The following TAB2 variants were observed in gnomAD, a reference collection of about 807,000 sequenced individuals.
TAB2 encodes the protein TGF-beta activated kinase 1 (MAP3K7) binding protein 2.
A neutral mutation model predicts 65.0 loss-of-function variants in TAB2; 3 were observed. The observed-to-expected ratio is 0.05, with a 90% CI of 0.02 to 0.12. The LOEUF is 0.12. Ranked by LOEUF, TAB2 falls within the 10% of genes least tolerant of loss-of-function variation. The pLI is 1.00. For missense variants in TAB2, 623 were observed against 840.3 expected (o/e 0.74, Z 3.20); for synonymous variants, 298 against 285.1 (o/e 1.05, Z -0.46).
At chr6:149,313,767 C>T (rs1276814371), upstream of TAB2, among the ~76,000 whole-genome samples, 1 of 152,144 alleles carries the variant, frequency 6.6e-6, no homozygotes, top group Non-Finnish European at 1.5e-5. Context: ...CCATGTAGAC[C>T]AGGGACTGAT....
intron 2 of TAB2, among the ~76,000 whole-genome samples, chr6:149,372,596 A>G (rs1781266867): frequency 6.6e-6 from 1 of 152,168 alleles, no homozygotes; most frequent in Admixed American, 6.5e-5. Context: ...ACAAAAGCAA[A>G]CTCCTCTACT....
chr6:149,257,983 G>A (rs1778074851), intron 1 of TAB2, among the ~76,000 whole-genome samples: 1 of 152,212 alleles, frequency 6.6e-6, no homozygotes, highest in African/African-American at 2.4e-5. Context: ...GCCCACATGA[G>A]AGAAAGTGTA....
At chr6:149,259,825 C>G (rs1356160934) in intron 1 of TAB2, among the ~76,000 whole-genome samples, 1 of 152,212 alleles carries the variant, frequency 6.6e-6, no homozygotes, top group African/African-American at 2.4e-5. Flanking sequence ...TTCCACTCAT[C>G]AGTGTCAGAG....
intron 1 of TAB2, among the ~76,000 whole-genome samples, chr6:149,353,849 A>C (rs1374909111): frequency 1.3e-5 from 2 of 152,202 alleles, no homozygotes; most frequent in Non-Finnish European, 2.9e-5. Context: ...ATTTCTCTAT[A>C]TATAGAGAGT....
intron 1 of TAB2, among the ~76,000 whole-genome samples, chr6:149,345,986 C>T (rs1780283106): frequency 2.0e-5 from 3 of 152,040 alleles, no homozygotes; most frequent in Admixed American, 1.3e-4. Context: ...TTATTTATTC[C>T]TCCTAGATGG....
chr6:149,316,886 C>G (rs1202566168), upstream of TAB2, among the ~76,000 whole-genome samples: 1 of 152,074 alleles, frequency 6.6e-6, no homozygotes, highest in Non-Finnish European at 1.5e-5. Context: ...CCCAAGACGT[C>G]TCCCGCACAC....
chr6:149,276,051 G>C (rs1218655265), intron 1 of TAB2, among the ~76,000 whole-genome samples: 1 of 152,182 alleles, frequency 6.6e-6, no homozygotes, highest in African/African-American at 2.4e-5. Flanking sequence ...ATTAATATTT[G>C]TTCATATAGT....
chr6:149,327,387 G>A (rs1439697949), intron 1 of TAB2, among the ~76,000 whole-genome samples: 6 of 152,236 alleles, frequency 3.9e-5, no homozygotes, highest in African/African-American at 7.2e-5. Flanking sequence ...GGCTGGTCTC[G>A]ATTTCTAGGC....
At chr6:149,233,368 G>A (rs962380712) in intron 1 of TAB2, among the ~76,000 whole-genome samples, 19 of 152,064 alleles carry the variant, frequency 1.2e-4, no homozygotes, top group East Asian at 1.9e-4. Flanking sequence ...AAAGCTCACC[G>A]CAGAAAGCAG....
At chr6:149,369,715 T>A (rs542079006) in intron 1 of TAB2, among the ~76,000 whole-genome samples, 194 bp from the exon 2 acceptor site, 93 of 152,358 alleles carry the variant, frequency 6.1e-4, no homozygotes, top group Non-Finnish European at 1.5e-5. Flanking sequence ...AGTTAGACAG[T>A]ATGAAAGTTT....
chr6:149,378,810 C>G lies in TAB2; in HGVS notation c.895C>G (p.His299Asp). 6.2e-7 allele frequency: 1 copy of G among 1,614,222 alleles called. No homozygotes were observed. The highest frequency in any genetic ancestry group is 1.1e-5 in the South Asian group (1 of 91,084). ...SPTTSQPPTI[H>D]SSGSSQSSAH... ...TACTACTTCACAACCACCAACCATT[C>G]ATTCATCTGGTAGCTCACAGTCTTC... Residue 299 changes from histidine to aspartate, a missense_variant, in exon 3 of 7, where the codon CAT becomes GAT. Coordinates refer to ENST00000637181, the MANE Select transcript of TAB2 (RefSeq NM_001292034.3).
intron 1 of TAB2, among the ~76,000 whole-genome samples, chr6:149,353,980 A>T (rs1780573625): frequency 6.6e-6 from 1 of 152,342 alleles, no homozygotes; most frequent in South Asian, 2.1e-4. Context: ...TTTATGCATA[A>T]AAGTTAAATC....
chr6:149,401,765 C>T (rs562970769), intron 6 of TAB2, among the ~76,000 whole-genome samples: 4 of 151,970 alleles, frequency 2.6e-5, no homozygotes, highest in Admixed American at 6.5e-5. Context: ...AATCATTCCA[C>T]GTATTTTTTC....
At chr6:149,291,809 C>T (rs1454075779) in intron 1 of TAB2, among the ~76,000 whole-genome samples, 5 of 151,946 alleles carry the variant, frequency 3.3e-5, no homozygotes, top group Admixed American at 1.3e-4. Context: ...TGTAGTGAGC[C>T]AAGATCATAC....
At chr6:149,404,114 A>T (rs1411099052) in intron 6 of TAB2, among the ~76,000 whole-genome samples, 1 of 152,238 alleles carries the variant, frequency 6.6e-6, no homozygotes, top group East Asian at 1.9e-4. Flanking sequence ...AAAGTAATAA[A>T]TGAATTTAGT....
At chr6:149,376,903 G>C (rs1214276071) in intron 2 of TAB2, among the ~76,000 whole-genome samples, 1 of 150,404 alleles carries the variant, frequency 6.6e-6, no homozygotes, top group East Asian at 1.9e-4. Context: ...CCCCACTCTG[G>C]AGTAGATTTT....
At chr6:149,266,238 G>C (rs1045093089) in intron 1 of TAB2, among the ~76,000 whole-genome samples, 2 of 152,206 alleles carry the variant, frequency 1.3e-5, no homozygotes, top group Non-Finnish European at 2.9e-5. Context: ...GCAAAAAGGA[G>C]CCCAAGGGAT....
chr6:149,343,019 A>G (rs1202842826), intron 1 of TAB2, among the ~76,000 whole-genome samples: 2 of 152,172 alleles, frequency 1.3e-5, no homozygotes. Context: ...AATATTTCTA[A>G]TTTAACTTGT....
At chr6:149,263,605 T>C (rs550565230) in intron 1 of TAB2, among the ~76,000 whole-genome samples, 1 of 152,322 alleles carries the variant, frequency 6.6e-6, no homozygotes, top group African/African-American at 2.4e-5. Context: ...GATGTCAACA[T>C]ATGGAGATGA....
Sources: gnomAD v4.1 joint callset for allele counts (sites outside exome capture counted in the v4.1 genomes callset) on GRCh38, gnomAD v4.1.1 for gene constraint, MANE v1.5 for transcripts, NCBI Gene and HGNC (gene_info 2026-07-23, HGNC 2026-07-21) for gene names.